Variants in RUNX1T1 observed in about 807,000 individuals in gnomAD.
RUNX1T1 encodes the protein RUNX1 partner transcriptional co-repressor 1.
In RUNX1T1, 4 loss-of-function variants were observed where a neutral mutation model predicts 62.8. The observed-to-expected ratio is 0.06, with a 90% CI of 0.03 to 0.15. The LOEUF (loss-of-function observed/expected upper bound fraction) is 0.15. Among genes scored for constraint, RUNX1T1 ranks in the 10% least tolerant of loss-of-function variants. The pLI is 1.00. For missense variants in RUNX1T1, 508 were observed against 754.3 expected, an observed-to-expected ratio of 0.67 and a Z score of 3.82; for synonymous variants, 291 against 286.0, an observed-to-expected ratio of 1.02 and a Z score of -0.18.
chr8:92,078,751 G>A (rs1834801196), intron 1 of RUNX1T1, among the ~76,000 whole-genome samples: 1 of 152,180 alleles, frequency 6.6e-6, no homozygotes, highest in Non-Finnish European at 1.5e-5. Flanking sequence ...TCTTGTTACA[G>A]AAATATAATG....
At chr8:91,956,904 T>A (rs528253425), downstream of RUNX1T1, 1 of 196,216 alleles carries the variant, frequency 5.1e-6, no homozygotes, top group Non-Finnish European at 1.1e-5. Context: ...ATTCCAGACG[T>A]AGGCATGCTT....
At chr8:92,061,682 G>A (rs1832055073) in intron 1 of RUNX1T1, among the ~76,000 whole-genome samples, 1 of 152,174 alleles carries the variant, frequency 6.6e-6, no homozygotes, top group Non-Finnish European at 1.5e-5. Context: ...TCTGTGAGGT[G>A]TACAAACTCT....
intron 1 of RUNX1T1, among the ~76,000 whole-genome samples, chr8:92,036,945 C>T (rs969702848): frequency 2.0e-5 from 3 of 152,186 alleles, no homozygotes; most frequent in Admixed American, 2.0e-4. Context: ...CATCTAGGCT[C>T]AATGTCCTGA....
At chr8:92,101,382 G>A (rs1422047504), upstream of RUNX1T1, among the ~76,000 whole-genome samples, 1 of 152,136 alleles carries the variant, frequency 6.6e-6, no homozygotes, top group Non-Finnish European at 1.5e-5. Context: ...GTCTGGAGTG[G>A]CCTCTCCAGC....
chr8:91,964,932 C>A (rs1166507892), intron 10 of RUNX1T1, among the ~76,000 whole-genome samples: 16 of 152,148 alleles, frequency 1.1e-4, no homozygotes, highest in Non-Finnish European at 2.4e-4. Context: ...ACTTACTTAA[C>A]CCTTGGAGCA....
At chr8:91,968,106 T>C (rs1209005434) in intron 10 of RUNX1T1, among the ~76,000 whole-genome samples, 2 of 152,120 alleles carry the variant, frequency 1.3e-5, no homozygotes, top group Admixed American at 6.6e-5. Context: ...TCTGAGACAG[T>C]AACTGAGCTG....
At chr8:91,981,096 T>C (rs1172760279) in intron 8 of RUNX1T1, among the ~76,000 whole-genome samples, 5 of 152,218 alleles carry the variant, frequency 3.3e-5, no homozygotes, top group African/African-American at 1.2e-4. Flanking sequence ...GCTTATGAAA[T>C]ATATATTACC....
At chr8:92,044,440 G>A (rs928021047) in intron 1 of RUNX1T1, among the ~76,000 whole-genome samples, 4 of 152,292 alleles carry the variant, frequency 2.6e-5, no homozygotes, top group Admixed American at 2.6e-4. Flanking sequence ...AAAAATGAGT[G>A]AAGAAGACCA....
intron 8 of RUNX1T1, among the ~76,000 whole-genome samples, chr8:91,984,007 A>C (rs1399010792): frequency 1.3e-5 from 2 of 152,230 alleles, no homozygotes; most frequent in Non-Finnish European, 2.9e-5. Flanking sequence ...TTCTGTGACA[A>C]TAAAGAACAT....
chr8:92,046,627 G>C (rs1254291184), intron 1 of RUNX1T1, among the ~76,000 whole-genome samples: 1 of 152,148 alleles, frequency 6.6e-6, no homozygotes, highest in Non-Finnish European at 1.5e-5. Flanking sequence ...GCCTCCCAAA[G>C]TGCTGGAACT....
chr8:92,096,988 A>AAC (rs1030226207), intron 1 of RUNX1T1, among the ~76,000 whole-genome samples: 5 of 151,976 alleles, frequency 3.3e-5, no homozygotes, highest in East Asian at 1.9e-4. Flanking sequence ...ACCCCACCCA[A>AAC]ACACACACAC....
chr8:92,071,742 GT>G (rs1833707660), intron 2 of RUNX1T1, among the ~76,000 whole-genome samples: 1 of 152,194 alleles, frequency 6.6e-6, no homozygotes, highest in Non-Finnish European at 1.5e-5. Flanking sequence ...CAGCCTGACT[GT>G]TTTGCTCTTC....
chr8:92,011,444 A>AT (rs1196338259), intron 3 of RUNX1T1, among the ~76,000 whole-genome samples: 5 of 152,254 alleles, frequency 3.3e-5, no homozygotes, highest in African/African-American at 7.2e-5. Context: ...ATTTAAAAGC[A>AT]TAACAGATCA....
intron 1 of RUNX1T1, among the ~76,000 whole-genome samples, chr8:92,061,112 G>A (rs965746961): frequency 1.3e-5 from 2 of 152,236 alleles, no homozygotes; most frequent in African/African-American, 4.8e-5. Context: ...GCTAGAAGTA[G>A]CAAGGGTCCT....
intron 1 of RUNX1T1, among the ~76,000 whole-genome samples, chr8:92,086,461 C>A (rs1780154141): frequency 6.6e-6 from 1 of 152,204 alleles, no homozygotes; most frequent in African/African-American, 2.4e-5. Context: ...AGGCAAAACA[C>A]ATGAGGGAGC....
At position 92,034,703 on chromosome 8, in the gene RUNX1T1, CAT is replaced by C. The variant is rs1395907262; in HGVS notation, c.8-17342_8-17341del. The stretch of plus-strand genomic sequence containing the variant: ...GTGTGTGTGTGTGTATACATGTATA[CAT>C]ATATATACACATATATATACACACG... On this transcript the variant is annotated intron_variant, in intron 1 of 10. Transcript: ENST00000396218. 5.4e-5 allele frequency among the ~76,000 whole-genome samples: 8 copies of C among 148,384 alleles called. No individual in the cohort carries two copies. The South Asian group carries it at 1.5e-3, about 28-fold the overall frequency.
intron 7 of RUNX1T1, 119 bp from the exon 9 acceptor site, chr8:91,986,444 T>C: frequency 1.4e-6 from 1 of 740,358 alleles, no homozygotes; most frequent in Non-Finnish European, 2.3e-6. Flanking sequence ...CCCTGAAGGT[T>C]TCAGTCTAGT....
chr8:92,016,222 A>G (rs1268427194), intron 2 of RUNX1T1, among the ~76,000 whole-genome samples: 1 of 152,164 alleles, frequency 6.6e-6, no homozygotes, highest in Non-Finnish European at 1.5e-5. Flanking sequence ...CACTATCCCT[A>G]ATGAAATACA....
At chr8:92,010,835 G>A (rs976842980) in intron 4 of RUNX1T1, 167 bp downstream of exon 5, 1 of 485,974 alleles carries the variant, frequency 2.1e-6, no homozygotes, top group Non-Finnish European at 3.7e-6. Flanking sequence ...AACACTCCTT[G>A]TAATTTTCAG....
Sources: gnomAD v4.1 joint callset for allele counts (sites outside exome capture counted in the v4.1 genomes callset) on GRCh38, gnomAD v4.1.1 for gene constraint, MANE v1.5 for transcripts, NCBI Gene and HGNC (gene_info 2026-07-23, HGNC 2026-07-21) for gene names.